RNF141: variants seen among roughly 807,000 people sequenced by gnomAD.
The protein encoded by RNF141 is ring finger protein 141, also known as C3HC4-like zinc finger protein.
RNF141 carries 18 observed loss-of-function variants against 27.4 expected under a neutral mutation model. The observed-to-expected ratio is 0.66, with a 90% CI of 0.45 to 0.97. RNF141 has a LOEUF of 0.97. Ranked by LOEUF, RNF141 falls within the 50% of genes least tolerant of loss-of-function variation. The pLI is 0.00. For synonymous variants in RNF141, 97 were observed against 96.6 expected (o/e 1.00, Z -0.02); for missense variants, 230 against 279.4 (o/e 0.82, Z 1.26).
intron 1 of RNF141, among the ~76,000 whole-genome samples, chr11:10,536,696 T>A (rs2133976932): frequency 6.6e-6 from 1 of 152,264 alleles, no homozygotes; most frequent in East Asian, 1.9e-4. Flanking sequence ...ACTCCTGGGC[T>A]CAAGCAATCC....
chr11:10,532,542 A>ACACACACC lies in RNF141; in HGVS notation c.143+1473_143+1474insGGTGTGTG, dbSNP rs1564868792. ...ACACACACACACACACACACACCCC[A>ACACACACC]CAACTATATACAGCTTTTTGTTTTA... is the stretch of plus-strand genomic sequence containing the variant. On this transcript the variant is annotated intron_variant, in intron 2 of 5. Transcript: ENST00000265981. Among the ~76,000 whole-genome samples, 3 of 119,018 alleles carry ACACACACC rather than the reference A, an allele frequency of 2.5e-5. No homozygotes were observed. The Admixed American group carries it at 2.9e-4, about 12-fold the overall frequency. The allele number at this position is 119,018 out of a possible 152,430, so 78.1% of individuals were successfully genotyped here. A position where few individuals can be genotyped will look rare whatever the true frequency, so the allele number is the denominator to read the frequency against.
At chr11:10,522,929 A>G (rs1170159810) in intron 4 of RNF141, among the ~76,000 whole-genome samples, 1 of 152,218 alleles carries the variant, frequency 6.6e-6, no homozygotes, top group Non-Finnish European at 1.5e-5. Flanking sequence ...TGGAGCCAGG[A>G]TTTGAACACA....
intron 1 of RNF141, among the ~76,000 whole-genome samples, chr11:10,537,862 T>A (rs1023563420): frequency 1.3e-5 from 2 of 152,370 alleles, no homozygotes; most frequent in East Asian, 3.9e-4. Flanking sequence ...CTTCTAGTAA[T>A]GATAATGTCT....
chr11:10,526,986 A>G (rs1215646776), intron 3 of RNF141, among the ~76,000 whole-genome samples: 1 of 152,248 alleles, frequency 6.6e-6, no homozygotes, highest in Non-Finnish European at 1.5e-5. Context: ...CTTACAAAAT[A>G]GATCTTCAGA....
chr11:10,529,649 A>G (rs945087909), intron 3 of RNF141, among the ~76,000 whole-genome samples: 1 of 152,246 alleles, frequency 6.6e-6, no homozygotes, highest in South Asian at 2.1e-4. Flanking sequence ...TGCTTTAGAA[A>G]GGTTAATCTC....
intron 3 of RNF141, among the ~76,000 whole-genome samples, chr11:10,529,759 G>C (rs1054996171): frequency 5.3e-5 from 8 of 152,202 alleles, no homozygotes; most frequent in Non-Finnish European, 1.2e-4. Flanking sequence ...CAGTCTGCTT[G>C]AGAGCATGAA....
At chr11:10,528,180 A>C (rs188807933) in intron 3 of RNF141, among the ~76,000 whole-genome samples, 1 of 152,300 alleles carries the variant, frequency 6.6e-6, no homozygotes, top group Admixed American at 6.5e-5. Flanking sequence ...ACTTAATGTA[A>C]ATACAGAGGG....
At chr11:10,532,780 T>C (rs904218903) in intron 2 of RNF141, among the ~76,000 whole-genome samples, 1 of 152,202 alleles carries the variant, frequency 6.6e-6, no homozygotes, top group Non-Finnish European at 1.5e-5. Flanking sequence ...GGTTCATATA[T>C]CTTACCTTAA....
chr11:10,534,623 T>C (rs1850018098), intron 1 of RNF141, among the ~76,000 whole-genome samples: 2 of 152,276 alleles, frequency 1.3e-5, no homozygotes, highest in African/African-American at 4.8e-5. Context: ...TTATGTCAAT[T>C]ACTTCTTACA....
intron 5 of RNF141, chr11:10,516,299 A>G (rs1455580930): frequency 1.3e-5 from 2 of 152,212 alleles, no homozygotes; most frequent in African/African-American, 4.8e-5. Flanking sequence ...TACTAAAACA[A>G]TGGTTTCATA....
In RNF141 at chr11:10,513,637, A is replaced by C. The variant is rs1049745016; in HGVS notation, c.*1279T>G. The C allele has an allele frequency of 5.3e-5, 8 of 152,164 alleles. No homozygotes were observed. The highest frequency in any genetic ancestry group is 5.2e-4 in the Admixed American group (8 of 15,270). 9.4% of individuals were successfully genotyped at this position (152,164 alleles called of 1,614,324 possible). A position where few individuals can be genotyped will look rare whatever the true frequency, so the allele number is the denominator to read the frequency against. ...AATGCCAAATTATCTTCTAATTTTC[A>C]TAAGTATTTTATGTATATACGGTAA... On this transcript the variant is annotated 3_prime_UTR_variant, in exon 6 of 6. Coordinates refer to ENST00000265981, the MANE Select transcript of RNF141 (RefSeq NM_016422.4).
chr11:10,527,068 G>A (rs1010939660), intron 3 of RNF141, among the ~76,000 whole-genome samples: 4 of 152,226 alleles, frequency 2.6e-5, no homozygotes. Flanking sequence ...TATAAGGTCA[G>A]TACAGAAATA....
chr11:10,531,840 G>A (rs1167336898), intron 2 of RNF141: 1 of 243,052 alleles, frequency 4.1e-6, no homozygotes, highest in African/African-American at 2.4e-5. Context: ...AGGAAACAAA[G>A]TCTTCGGTGA....
intron 3 of RNF141, among the ~76,000 whole-genome samples, chr11:10,529,911 A>G (rs954720507): frequency 2.0e-5 from 3 of 152,194 alleles, no homozygotes; most frequent in African/African-American, 7.2e-5. Flanking sequence ...GGTAACCTCC[A>G]GGGTCCGTGA....
At chr11:10,518,943 T>TAC in intron 5 of RNF141, 91 bp downstream of exon 5, 1 of 844,238 alleles carries the variant, frequency 1.2e-6, no homozygotes, top group South Asian at 1.6e-5. Flanking sequence ...CTCTCATACT[T>TAC]AACTACAGTA....
At chr11:10,528,002 A>T (rs1442596990) in intron 3 of RNF141, among the ~76,000 whole-genome samples, 4 of 152,232 alleles carry the variant, frequency 2.6e-5, no homozygotes, top group Non-Finnish European at 4.4e-5. Context: ...AATATAATTC[A>T]TGTAGTTCTT....
At chr11:10,527,563 C>T (rs1384391311) in intron 3 of RNF141, among the ~76,000 whole-genome samples, 1 of 151,754 alleles carries the variant, frequency 6.6e-6, no homozygotes, top group African/African-American at 2.4e-5. Flanking sequence ...GGTAGATAGA[C>T]GGTGAGGTGG....
chr11:10,535,489 G>A (rs1850026930), intron 1 of RNF141, among the ~76,000 whole-genome samples: 1 of 148,140 alleles, frequency 6.8e-6, no homozygotes, highest in Non-Finnish European at 1.5e-5. Flanking sequence ...AATCCCTGAA[G>A]TCAAATTATA....
At chr11:10,515,868 G>C (rs545505515) in intron 5 of RNF141, 1 of 152,264 alleles carries the variant, frequency 6.6e-6, no homozygotes, top group Admixed American at 6.5e-5. Context: ...TACATGCACA[G>C]TAATTTTTCT....
Sources: allele counts gnomAD v4.1 joint callset (sites outside exome capture counted in the v4.1 genomes callset), GRCh38; gene constraint gnomAD v4.1.1; transcripts MANE v1.5; gene names NCBI Gene and HGNC (gene_info 2026-07-23, HGNC 2026-07-21).